The following APCDD1L variants were observed in gnomAD, a reference collection of about 807,000 sequenced individuals.
APCDD1L encodes protein APCDD1-like.
In APCDD1L, 21 loss-of-function variants were observed where a neutral mutation model predicts 24.2. That is an observed-to-expected ratio of 0.87 (90% CI 0.61 to 1.25). The LOEUF (loss-of-function observed/expected upper bound fraction) is 1.25. Ranked by LOEUF, APCDD1L falls within the 50% of genes most tolerant of loss-of-function variation. The pLI is 0.00. For synonymous variants in APCDD1L, 321 were observed against 323.6 expected, an observed-to-expected ratio of 0.99 and a Z score of 0.09; for missense variants, 704 against 711.7, an observed-to-expected ratio of 0.99 and a Z score of 0.12.
At chr20:58,464,860 T>C (rs4811995) in intron 3 of APCDD1L, among the ~76,000 whole-genome samples, 24,537 of 151,344 alleles carry the variant, frequency 0.16, 2,661 homozygotes, top group African/African-American at 0.3. Context: ...TTCTTTCTTT[T>C]TTTTTTTTTC....
intron 1 of APCDD1L, among the ~76,000 whole-genome samples, chr20:58,485,435 A>G (rs1990102989): frequency 1.3e-5 from 2 of 152,202 alleles, no homozygotes; most frequent in African/African-American, 2.4e-5. Flanking sequence ...CTAACATATG[A>G]ATATTGGAAG....
At chr20:58,493,631 A>G (rs1990265380) in intron 1 of APCDD1L, among the ~76,000 whole-genome samples, 1 of 152,230 alleles carries the variant, frequency 6.6e-6, no homozygotes, top group Non-Finnish European at 1.5e-5. Flanking sequence ...TATGACTTTC[A>G]TCAACCTCAG....
At chr20:58,482,551 G>A (rs1277755138) in intron 1 of APCDD1L, among the ~76,000 whole-genome samples, 1 of 151,866 alleles carries the variant, frequency 6.6e-6, no homozygotes, top group East Asian at 1.9e-4. Flanking sequence ...AGCGCACGTA[G>A]CTCAGGAAGG....
chr20:58,511,056 G>A (rs559373894), intron 1 of APCDD1L, among the ~76,000 whole-genome samples: 2 of 152,298 alleles, frequency 1.3e-5, no homozygotes, highest in Non-Finnish European at 2.9e-5. Flanking sequence ...GCTAAGTCCT[G>A]GCCATATACC....
At chr20:58,506,223 G>A (rs1162199750) in intron 1 of APCDD1L, among the ~76,000 whole-genome samples, 1 of 152,142 alleles carries the variant, frequency 6.6e-6, no homozygotes, top group East Asian at 1.9e-4. Flanking sequence ...TCTGGAAGCA[G>A]GAATTTGGGC....
intron 1 of APCDD1L, among the ~76,000 whole-genome samples, chr20:58,505,184 C>G (rs987979445): frequency 2.0e-5 from 3 of 152,118 alleles, no homozygotes; most frequent in African/African-American, 7.2e-5. Context: ...TAATTAGAAT[C>G]AAATATACTA....
In APCDD1L at chr20:58,503,011, C is replaced by T. The variant is rs138873376; in HGVS notation, c.49+11648G>A. 8.3e-4 allele frequency among the ~76,000 whole-genome samples: 127 copies of T among 152,226 alleles called. 1 individual carries two copies. Among genetic ancestry groups the T allele is most frequent in the African/African-American group, 2.4e-3 (101 of 41,532 alleles). On this transcript the variant is annotated intron_variant, in intron 1 of 3. Transcript: ENST00000371149. The stretch of plus-strand genomic sequence containing the variant: ...GACTCTTTTTATGGGACCGGAATTC[C>T]GACTTTTCCGGAAGTCAGGCTTCCC...
At chr20:58,484,951 A>AGTT (rs1990093411) in intron 1 of APCDD1L, among the ~76,000 whole-genome samples, 1 of 94,988 alleles carries the variant, frequency 1.1e-5, no homozygotes, top group South Asian at 3.2e-4. Context: ...CTGCTATTAA[A>AGTT]GTTTTTTTTT....
At chr20:58,507,454 G>A (rs887916954) in intron 1 of APCDD1L, among the ~76,000 whole-genome samples, 3 of 152,044 alleles carry the variant, frequency 2.0e-5, no homozygotes, top group South Asian at 2.1e-4. Context: ...TCTGAGGTAA[G>A]TTGGTCTTTC....
chr20:58,460,942 G>C lies in APCDD1L; in HGVS notation c.1354C>G (p.Leu452Val), dbSNP rs754582740. The change falls in exon 4 of 4, where the codon CTG (leucine) becomes GTG (valine). Residue 452 changes from leucine (L) to valine (V), a missense_variant. Transcript: ENST00000371149. This position sits in a 1 kb window ranked among gnomAD's most constrained non-coding sequence, Gnocchi z 4.2. ...EKRPTSYQAP[L>V]VLCHGEAPDF... ...GGGGCCTCCCCATGACAGAGCACCAGGGGTGCTTGGTAGGAGGTGGGACGT... is the reference window on the plus strand; with the variant it reads ...GGGGCCTCCCCATGACAGAGCACCACGGGTGCTTGGTAGGAGGTGGGACGT... 1.2e-6 allele frequency: 2 copies of C among 1,613,954 alleles called. No individual in the cohort carries two copies. The highest frequency in any genetic ancestry group is 1.7e-6 in the Non-Finnish European group (2 of 1,179,970).
intron 1 of APCDD1L, among the ~76,000 whole-genome samples, chr20:58,507,266 C>A (rs914183120): frequency 6.6e-6 from 1 of 152,182 alleles, no homozygotes; most frequent in South Asian, 2.1e-4. Context: ...ATTGTGATGA[C>A]TTCCCAGCCA....
chr20:58,482,655 G>A (rs1990045098), intron 1 of APCDD1L, among the ~76,000 whole-genome samples: 1 of 152,150 alleles, frequency 6.6e-6, no homozygotes, highest in African/African-American at 2.4e-5. Context: ...TTTTGGTAAA[G>A]CTCTGGAGTC....
In APCDD1L at chr20:58,515,297, G is replaced by T. The variant is rs1352622248; in HGVS notation, c.-590C>A. The T allele has an allele frequency of 8.3e-6, 2 of 241,662 alleles. No homozygotes were observed. Among genetic ancestry groups the T allele is most frequent in the Non-Finnish European group, 1.6e-5 (2 of 127,272 alleles). The allele number at this position is 241,662 out of a possible 1,614,324, so 15.0% of individuals were successfully genotyped here. ...ATCCCAGCAAACCCAGAAGCGCAGT[G>T]AAAGTGGCCAACCCGGTCGCCTAGA... On this transcript the variant is annotated 5_prime_UTR_variant, in exon 1 of 4. Coordinates refer to ENST00000371149, the MANE Select transcript of APCDD1L (RefSeq NM_153360.3).
At chr20:58,491,339 T>C (rs1344817139) in intron 1 of APCDD1L, among the ~76,000 whole-genome samples, 1 of 152,248 alleles carries the variant, frequency 6.6e-6, no homozygotes, top group African/African-American at 2.4e-5. Context: ...GTAGATGATA[T>C]GATTGTCTAT....
intron 3 of APCDD1L, among the ~76,000 whole-genome samples, chr20:58,465,931 C>T (rs1206226932): frequency 6.6e-6 from 1 of 152,068 alleles, no homozygotes; most frequent in Non-Finnish European, 1.5e-5. Context: ...TTAAATCCCA[C>T]GTATTTTCTC....
At chr20:58,471,969 T>C (rs977404303) in intron 1 of APCDD1L, among the ~76,000 whole-genome samples, 3 of 152,142 alleles carry the variant, frequency 2.0e-5, no homozygotes, top group East Asian at 1.9e-4. Context: ...GGTTGGGGGC[T>C]GAGTTGAGAA....
intron 1 of APCDD1L, among the ~76,000 whole-genome samples, chr20:58,479,421 G>A (rs757343129): frequency 5.3e-5 from 8 of 152,164 alleles, no homozygotes; most frequent in Admixed American, 1.3e-4. Context: ...GAGCATGCAT[G>A]TCACATTTTG....
In APCDD1L at chr20:58,460,573, G is replaced by A. The variant is rs989763615; in HGVS notation, c.*217C>T. On this transcript the variant is annotated 3_prime_UTR_variant, in exon 4 of 4. Transcript: ENST00000371149. This position sits in a 1 kb window ranked among gnomAD's most constrained non-coding sequence, Gnocchi z 4.2. Reference sequence around the variant, plus strand: ...ACATCACTGCCGCATCCAAGTGCTTGACTGGGGACCCGGGCTGTGGGATGT... The same window carrying A: ...ACATCACTGCCGCATCCAAGTGCTTAACTGGGGACCCGGGCTGTGGGATGT... 4.3e-6 allele frequency: 2 copies of A among 465,868 alleles called. No individual in the cohort carries two copies. Among genetic ancestry groups the A allele is most frequent in the Admixed American group, 3.9e-5 (1 of 25,650 alleles). 28.9% of individuals were successfully genotyped at this position (465,868 alleles called of 1,614,324 possible).
intron 1 of APCDD1L, among the ~76,000 whole-genome samples, chr20:58,476,817 GA>G (rs1296951986): frequency 6.6e-6 from 1 of 152,210 alleles, no homozygotes; most frequent in Non-Finnish European, 1.5e-5. Flanking sequence ...CCCTAGTGCT[GA>G]AAGGGCAAAC....
Sources: allele counts gnomAD v4.1 joint callset (sites outside exome capture counted in the v4.1 genomes callset), GRCh38; gene constraint gnomAD v4.1.1; non-coding constraint Gnocchi (gnomAD v3.1); transcripts MANE v1.5; gene names NCBI Gene and HGNC (gene_info 2026-07-23, HGNC 2026-07-21).